The following PTPRE variants were observed in gnomAD, a reference collection of about 807,000 sequenced individuals.
PTPRE encodes protein tyrosine phosphatase receptor type E, also known as receptor-type tyrosine-protein phosphatase epsilon.
A neutral mutation model predicts 102.0 loss-of-function variants in PTPRE; 51 were observed. The observed-to-expected ratio is 0.50, with a 90% CI of 0.40 to 0.63. The LOEUF is 0.63. Ranked by LOEUF, PTPRE falls within the 30% of genes least tolerant of loss-of-function variation. The pLI is 0.00. For synonymous variants in PTPRE, 345 were observed against 348.2 expected, an observed-to-expected ratio of 0.99 and a Z score of 0.10; for missense variants, 752 against 915.1, an observed-to-expected ratio of 0.82 and a Z score of 2.30.
chr10:128,011,320 G>A (rs556049808), intron 2 of PTPRE, among the ~76,000 whole-genome samples: 14 of 152,252 alleles, frequency 9.2e-5, no homozygotes, highest in Non-Finnish European at 1.8e-4. Flanking sequence ...AGTGAATGGA[G>A]AGGAAAAGCT....
chr10:127,970,640 A>G (rs1850658041), intron 1 of PTPRE, among the ~76,000 whole-genome samples: 1 of 151,882 alleles, frequency 6.6e-6, no homozygotes, highest in African/African-American at 2.4e-5. Flanking sequence ...CGAACCTCCT[A>G]CAAAACTCCT....
At chr10:127,975,646 T>A (rs1304897332) in intron 1 of PTPRE, among the ~76,000 whole-genome samples, 1 of 152,116 alleles carries the variant, frequency 6.6e-6, no homozygotes, top group East Asian at 1.9e-4. Flanking sequence ...ATTTAACATA[T>A]CTGAGTATTA....
intron 2 of PTPRE, among the ~76,000 whole-genome samples, chr10:128,016,382 G>T (rs1478684834): frequency 1.3e-5 from 2 of 152,108 alleles, no homozygotes; most frequent in African/African-American, 4.8e-5. Context: ...CCCCCAGGTG[G>T]AGAAACATCC....
chr10:127,971,929 A>G (rs1287974781), intron 1 of PTPRE, among the ~76,000 whole-genome samples: 1 of 152,076 alleles, frequency 6.6e-6, no homozygotes, highest in Non-Finnish European at 1.5e-5. Flanking sequence ...CCTAAATTCA[A>G]CTTCCGGAGC....
chr10:127,974,563 C>T lies in PTPRE; in HGVS notation c.-30-7711C>T, dbSNP rs993479781. 7.9e-5 allele frequency among the ~76,000 whole-genome samples: 12 copies of T among 152,324 alleles called. 1 individual carries two copies. The highest frequency in any genetic ancestry group is 2.6e-4 in the African/African-American group (11 of 41,578). ...GCATTTCAACGATCTGTTTATAAGCCTGTCCTCTGGACTTCTTTTAGGGTA... is the reference window on the plus strand; with the variant it reads ...GCATTTCAACGATCTGTTTATAAGCTTGTCCTCTGGACTTCTTTTAGGGTA... On this transcript the variant is annotated intron_variant, in intron 1 of 20. Coordinates refer to ENST00000254667, the MANE Select transcript of PTPRE (RefSeq NM_006504.6).
chr10:127,952,654 G>A (rs11018415), intron 1 of PTPRE, among the ~76,000 whole-genome samples: 28,767 of 151,834 alleles, frequency 0.19, 2,954 homozygotes, highest in South Asian at 0.34. Context: ...ATAGGGAACC[G>A]GGGGAGGGAC....
intron 20 of PTPRE, 69 bp downstream of exon 20, chr10:128,079,764 T>A (rs1341724992): frequency 2.2e-5 from 33 of 1,534,694 alleles, no homozygotes; most frequent in Non-Finnish European, 2.9e-5. Context: ...GATGTATGTT[T>A]CATTAAAGGA....
At position 128,070,725 on chromosome 10, in the gene PTPRE, CCAG is replaced by C. The variant is rs1850691284; in HGVS notation, c.1294-77_1294-75del. On this transcript the variant is annotated intron_variant, in intron 14 of 20. Transcript: ENST00000254667. The surrounding 1 kb of genome is among the most constrained non-coding windows in gnomAD (Gnocchi z 4.8). ...GGTTTCCTTTGAGCAGGCGTCCTTG[CCAG>C]CAGCACTAGTCCTCGGCTGAGCAAT... 1 of 1,443,938 alleles carries C rather than the reference CCAG, an allele frequency of 6.9e-7. No homozygotes were observed. Among genetic ancestry groups the C allele is most frequent in the African/African-American group, 1.4e-5 (1 of 71,282 alleles). The allele number at this position is 1,443,938 out of a possible 1,614,324, so 89.4% of individuals were successfully genotyped here. A position where few individuals can be genotyped will look rare whatever the true frequency, so the allele number is the denominator to read the frequency against.
chr10:127,946,055 T>A (rs117686822), intron 1 of PTPRE, among the ~76,000 whole-genome samples: 7,202 of 151,980 alleles, frequency 0.047, 260 homozygotes, highest in Middle Eastern at 0.075. Flanking sequence ...CAGGAGTAGA[T>A]CCAGGAGGAG....
chr10:128,002,745 C>T (rs1854090858), intron 2 of PTPRE, among the ~76,000 whole-genome samples: 2 of 115,164 alleles, frequency 1.7e-5, no homozygotes, highest in Admixed American at 1.3e-4. Context: ...CTATGTTACC[C>T]AGGCTGGAGT....
chr10:127,937,490 G>A (rs1291046544), intron 1 of PTPRE, among the ~76,000 whole-genome samples: 1 of 152,166 alleles, frequency 6.6e-6, no homozygotes, highest in Non-Finnish European at 1.5e-5. Context: ...GAGGCCCCAG[G>A]GTTGTTTCTG....
rs1029417590 is a variant in PTPRE at position 128,031,468 on chromosome 10, A to C, written c.-7-9407A>C. 2.0e-5 allele frequency among the ~76,000 whole-genome samples: 3 copies of C among 152,172 alleles called. No homozygotes were observed. The East Asian group carries it at 5.8e-4, about 29-fold the overall frequency. ...TTTCACACCATTACTGCCGAGCCCC[A>C]AGGGCGGATGGGTGGAGCCATGTTG... is the stretch of plus-strand genomic sequence containing the variant. On this transcript the variant is annotated intron_variant, in intron 2 of 20. Transcript: ENST00000254667.
At chr10:127,913,278 C>T (rs188808774) in intron 1 of PTPRE, among the ~76,000 whole-genome samples, 93 of 152,334 alleles carry the variant, frequency 6.1e-4, no homozygotes, top group Admixed American at 1.9e-3. Context: ...CTGCCACAGT[C>T]GCTTTGTCCT....
rs1424051538 is a variant in PTPRE, at chr10:127,944,501, T to TAAGG, written c.-31+37192_-31+37193insAAGG. 8.1e-4 allele frequency among the ~76,000 whole-genome samples: 1 copy of TAAGG among 1,228 alleles called. No homozygotes were observed. The highest frequency in any genetic ancestry group is 2.1e-3 in the African/African-American group (1 of 486). The allele number at this position is 1,228 out of a possible 152,430, so 0.8% of individuals were successfully genotyped here. On this transcript the variant is annotated intron_variant, in intron 1 of 20. Transcript: ENST00000254667. This position sits in a 1 kb window ranked among gnomAD's most constrained non-coding sequence, Gnocchi z 4.2. Reference sequence around the variant, plus strand: ...ATGGATGGATGGATGGATGGATGGATGGATGGATGGATGGGTGGATGGATG... The same window carrying TAAGG: ...ATGGATGGATGGATGGATGGATGGATAAGGGGATGGATGGATGGGTGGATGGATG...
At chr10:127,922,453 C>T (rs562539191) in intron 1 of PTPRE, among the ~76,000 whole-genome samples, 5 of 152,342 alleles carry the variant, frequency 3.3e-5, no homozygotes, top group South Asian at 4.1e-4. Context: ...CATCGAGGGC[C>T]GCTCTGAGGT....
At chr10:127,965,473 C>G (rs965774787) in intron 1 of PTPRE, among the ~76,000 whole-genome samples, 2 of 152,140 alleles carry the variant, frequency 1.3e-5, no homozygotes, top group African/African-American at 2.4e-5. Context: ...TTGCCAGTGT[C>G]TGCAGTGGAA....
chr10:128,071,925 A>G (rs1850803733), intron 15 of PTPRE: 2 of 531,318 alleles, frequency 3.8e-6, no homozygotes, highest in African/African-American at 3.8e-5. Context: ...AATGAAAATG[A>G]TAATTGGGTG....
intron 2 of PTPRE, among the ~76,000 whole-genome samples, chr10:128,030,245 G>C (rs183508700): frequency 2.0e-5 from 3 of 152,344 alleles, no homozygotes; most frequent in South Asian, 4.1e-4. Flanking sequence ...GGGCCACGCC[G>C]TTACAATAAC....
intron 11 of PTPRE, among the ~76,000 whole-genome samples, chr10:128,067,160 T>A (rs57092246): frequency 1.6e-5 from 2 of 125,126 alleles, no homozygotes; most frequent in Non-Finnish European, 3.4e-5. Context: ...CACACCCCAC[T>A]CACATGCACA....
Sources: gnomAD v4.1 joint callset for allele counts (sites outside exome capture counted in the v4.1 genomes callset) on GRCh38, gnomAD v4.1.1 for gene constraint, Gnocchi (gnomAD v3.1) non-coding constraint, MANE v1.5 for transcripts, NCBI Gene and HGNC (gene_info 2026-07-23, HGNC 2026-07-21) for gene names.